Variants in GLT1D1 observed in about 807,000 individuals in gnomAD.
The protein encoded by GLT1D1 is glycosyltransferase 1 domain containing 1.
Under a neutral mutation model 28.7 loss-of-function variants are expected in GLT1D1, and 21 were observed. That is an observed-to-expected ratio of 0.73 (90% CI 0.52 to 1.05). The LOEUF (loss-of-function observed/expected upper bound fraction) is 1.05, where lower values mean the gene tolerates loss of function less well. GLT1D1 is among the 50% of genes least tolerant of loss of function. The probability of loss-of-function intolerance (pLI) is 0.00; values close to 1 mark genes in which losing one functional copy is unlikely to be tolerated. For missense variants in GLT1D1, 343 were observed against 330.6 expected, an observed-to-expected ratio of 1.04 and a Z score of -0.29; for synonymous variants, 147 against 124.8, an observed-to-expected ratio of 1.18 and a Z score of -1.19.
intron 4 of GLT1D1, among the ~76,000 whole-genome samples, chr12:128,925,040 G>GT (rs370274035): frequency 0.017 from 2,488 of 142,472 alleles, 26 homozygotes; most frequent in South Asian, 0.072. Flanking sequence ...ATTGTTTTTT[G>GT]TTTTTTTTTT....
chr12:128,895,645 C>T (rs979950910), intron 3 of GLT1D1, among the ~76,000 whole-genome samples: 3 of 151,830 alleles, frequency 2.0e-5, no homozygotes, highest in South Asian at 2.1e-4. Context: ...TAGTAGAGAA[C>T]GGGGTTTCTC....
chr12:128,921,846 G>A (rs1465726), intron 4 of GLT1D1, among the ~76,000 whole-genome samples: 39,840 of 151,400 alleles, frequency 0.26, 6,670 homozygotes, highest in Non-Finnish European at 0.36. Flanking sequence ...CGTCACCTGC[G>A]TTCTTCACAC....
At chr12:128,857,664 G>A (rs1225899687) in intron 1 of GLT1D1, among the ~76,000 whole-genome samples, 2 of 152,066 alleles carry the variant, frequency 1.3e-5, no homozygotes, top group Admixed American at 6.6e-5. Flanking sequence ...CAAAGACCCC[G>A]GAGACCACCT....
chr12:128,951,697 C>T (rs12372103), intron 6 of GLT1D1, among the ~76,000 whole-genome samples: 73,508 of 152,008 alleles, frequency 0.48, 18,537 homozygotes, highest in Non-Finnish European at 0.56. Context: ...GTGCACTGTC[C>T]GCCCAGGCAC....
intron 3 of GLT1D1, among the ~76,000 whole-genome samples, chr12:128,891,292 C>T (rs1468953299): frequency 2.0e-5 from 3 of 152,190 alleles, no homozygotes; most frequent in East Asian, 1.9e-4. Flanking sequence ...GCTCAGTGGG[C>T]TTCCTCGGGG....
chr12:128,877,475 A>C (rs1315154085), intron 2 of GLT1D1, among the ~76,000 whole-genome samples: 1 of 152,144 alleles, frequency 6.6e-6, no homozygotes, highest in East Asian at 1.9e-4. Flanking sequence ...CTCCTGTTCC[A>C]CAGGAAGTTG....
chr12:128,979,213 C>G (rs1318263555), intron 7 of GLT1D1, among the ~76,000 whole-genome samples: 1 of 152,244 alleles, frequency 6.6e-6, no homozygotes, highest in Non-Finnish European at 1.5e-5. Context: ...TGTTCATTCT[C>G]TACTGCATGT....
intron 4 of GLT1D1, among the ~76,000 whole-genome samples, chr12:128,909,014 G>A (rs960462790): frequency 6.6e-6 from 1 of 152,088 alleles, no homozygotes; most frequent in Non-Finnish European, 1.5e-5. Flanking sequence ...ATTCCACTGG[G>A]TTTTGATATT....
At chr12:128,975,458 T>TTA (rs1555222106) in intron 7 of GLT1D1, among the ~76,000 whole-genome samples, 1 of 150,852 alleles carries the variant, frequency 6.6e-6, no homozygotes, top group African/African-American at 2.4e-5. Context: ...TGTTTTTTAT[T>TTA]TTTTTCTTTT....
chr12:128,907,303 CTT>C (rs11341281), intron 4 of GLT1D1, among the ~76,000 whole-genome samples: 154 of 115,744 alleles, frequency 1.3e-3, no homozygotes, highest in Middle Eastern at 4.7e-3. Flanking sequence ...GGAAGCTAAT[CTT>C]TTTTTTTTTT....
chr12:128,940,980 C>A (rs1173328590), intron 4 of GLT1D1, among the ~76,000 whole-genome samples: 1 of 152,208 alleles, frequency 6.6e-6, no homozygotes, highest in Non-Finnish European at 1.5e-5. Context: ...CCCCAATAAC[C>A]CCTAATTAGA....
intron 4 of GLT1D1, chr12:128,944,548 C>T (rs565661815): frequency 2.9e-5 from 23 of 796,010 alleles, no homozygotes; most frequent in South Asian, 2.4e-4. Context: ...GTAGACTTGG[C>T]CATTGGTGAG....
At chr12:128,949,223 T>C (rs1404657740) in intron 6 of GLT1D1, among the ~76,000 whole-genome samples, 3 of 152,214 alleles carry the variant, frequency 2.0e-5, no homozygotes, top group Non-Finnish European at 4.4e-5. Flanking sequence ...TCGGGAATGA[T>C]TTTATAACTA....
At chr12:128,899,068 G>T (rs566272341) in intron 3 of GLT1D1, among the ~76,000 whole-genome samples, 168 bp from the exon 4 acceptor site, 1 of 152,266 alleles carries the variant, frequency 6.6e-6, no homozygotes, top group South Asian at 2.1e-4. Context: ...TTTTTGATGT[G>T]AGTTGAGATT....
chr12:128,903,920 G>A (rs1279482204), intron 4 of GLT1D1, among the ~76,000 whole-genome samples: 1 of 151,548 alleles, frequency 6.6e-6, no homozygotes, highest in African/African-American at 2.4e-5. Flanking sequence ...TGGTAGAGAC[G>A]GGGTTTCACC....
In GLT1D1 at chr12:128,895,044, C is replaced by T. The variant is rs548005267; in HGVS notation, c.324-4192C>T. 9.2e-5 allele frequency among the ~76,000 whole-genome samples: 14 copies of T among 152,076 alleles called. No individual in the cohort carries two copies. In the East Asian group the frequency reaches 2.7e-3, roughly 29 times the overall value. On this transcript the variant is annotated intron_variant, in intron 3 of 7. Coordinates refer to ENST00000281703, the MANE Select transcript of GLT1D1 (RefSeq NM_144669.3). ...GTTCTTTTGACATGCTCTCATCATT[C>T]ATCGTTTTCTGAGCACTTTTCTACT... is the stretch of plus-strand genomic sequence containing the variant.
chr12:128,888,540 G>A (rs1210331620), intron 2 of GLT1D1, 99 bp from the exon 3 acceptor site: 9 of 739,520 alleles, frequency 1.2e-5, no homozygotes, highest in Middle Eastern at 2.4e-4. Context: ...CAGCTCCGGC[G>A]ATCTGGGAAC....
At chr12:128,976,127 G>C (rs375509477) in intron 7 of GLT1D1, among the ~76,000 whole-genome samples, 16 of 152,340 alleles carry the variant, frequency 1.1e-4, no homozygotes, top group South Asian at 8.3e-4. Flanking sequence ...TCTAGGCATT[G>C]AGGTCTTGAA....
intron 4 of GLT1D1, among the ~76,000 whole-genome samples, chr12:128,938,644 A>T (rs1388882460): frequency 2.0e-5 from 3 of 152,170 alleles, no homozygotes; most frequent in African/African-American, 7.2e-5. Context: ...CTTCAAACCA[A>T]CTTGGTTTGT....
Sources: gnomAD v4.1 joint callset for allele counts (sites outside exome capture counted in the v4.1 genomes callset) on GRCh38, gnomAD v4.1.1 for gene constraint, MANE v1.5 for transcripts, NCBI Gene and HGNC (gene_info 2026-07-23, HGNC 2026-07-21) for gene names.